The following SEZ6L variants were observed in gnomAD, a reference collection of about 807,000 sequenced individuals.
SEZ6L encodes seizure related 6 homolog like.
Under a neutral mutation model 106.2 loss-of-function variants are expected in SEZ6L, and 37 were observed. The observed-to-expected ratio is 0.35, with a 90% CI of 0.27 to 0.46. The LOEUF is 0.46. Ranked by LOEUF, SEZ6L falls within the 20% of genes least tolerant of loss-of-function variation. The probability of loss-of-function intolerance (pLI) is 1.00; values close to 1 mark genes in which losing one functional copy is unlikely to be tolerated. For missense variants in SEZ6L, 1,172 were observed against 1,332.8 expected (o/e 0.88, Z 1.88); for synonymous variants, 541 against 570.4 (o/e 0.95, Z 0.73).
At chr22:26,182,917 C>A (rs1939508327) in intron 1 of SEZ6L, among the ~76,000 whole-genome samples, 1 of 152,028 alleles carries the variant, frequency 6.6e-6, no homozygotes, top group Non-Finnish European at 1.5e-5. Flanking sequence ...CTGCCGGGAG[C>A]CTTTCCATCT....
At chr22:26,175,330 G>T (rs1045776960) in intron 1 of SEZ6L, among the ~76,000 whole-genome samples, 1 of 152,134 alleles carries the variant, frequency 6.6e-6, no homozygotes, top group Non-Finnish European at 1.5e-5. Flanking sequence ...AGGCACTTAC[G>T]TTGGTTATTT....
chr22:26,351,019 G>A (rs2083259677), intron 11 of SEZ6L, 33 bp from the exon 12 acceptor site: 1 of 1,576,744 alleles, frequency 6.3e-7, no homozygotes, highest in Non-Finnish European at 8.7e-7. Flanking sequence ...CCAGAGGTCT[G>A]ACGTCCTCTT....
At chr22:26,353,361 A>G (rs980652112) in intron 12 of SEZ6L, among the ~76,000 whole-genome samples, 5 of 152,254 alleles carry the variant, frequency 3.3e-5, no homozygotes, top group African/African-American at 1.2e-4. Flanking sequence ...ACATATGTGC[A>G]TATATATGCA....
intron 13 of SEZ6L, among the ~76,000 whole-genome samples, chr22:26,372,540 G>A (rs2084073888): frequency 6.6e-6 from 1 of 152,188 alleles, no homozygotes; most frequent in Admixed American, 6.5e-5. Context: ...GCATGGATTA[G>A]GGTGTCTTGG....
intron 1 of SEZ6L, among the ~76,000 whole-genome samples, chr22:26,184,518 A>G (rs1283058395): frequency 1.3e-5 from 2 of 152,216 alleles, no homozygotes; most frequent in East Asian, 3.9e-4. Context: ...CCAAGAAGCA[A>G]ATATTTAATA....
chr22:26,227,573 C>A (rs1181926827), intron 1 of SEZ6L, among the ~76,000 whole-genome samples: 1 of 139,790 alleles, frequency 7.2e-6, no homozygotes, highest in Non-Finnish European at 1.5e-5. Flanking sequence ...TCATGCCCAG[C>A]TAATTTTTAA....
intron 1 of SEZ6L, among the ~76,000 whole-genome samples, chr22:26,238,275 T>C (rs2079010463): frequency 6.6e-6 from 1 of 152,220 alleles, no homozygotes; most frequent in Non-Finnish European, 1.5e-5. Flanking sequence ...GCTGGTATTT[T>C]GTACGGACCC....
chr22:26,188,336 G>A (rs1447466681), intron 1 of SEZ6L, among the ~76,000 whole-genome samples: 3 of 152,142 alleles, frequency 2.0e-5, no homozygotes. Context: ...GTGCAGCTTG[G>A]AGATTCTTCT....
chr22:26,309,251 C>T (rs992905712), intron 6 of SEZ6L, among the ~76,000 whole-genome samples: 19 of 152,212 alleles, frequency 1.2e-4, no homozygotes, highest in Non-Finnish European at 2.1e-4. Context: ...AAGAAGTCAA[C>T]TTCAAATAGC....
chr22:26,204,561 G>A (rs1941181838), intron 1 of SEZ6L, among the ~76,000 whole-genome samples: 1 of 152,190 alleles, frequency 6.6e-6, no homozygotes. Context: ...TTAAATCCAG[G>A]CATTCTGATG....
At chr22:26,333,159 T>C (rs748224670) in intron 9 of SEZ6L, among the ~76,000 whole-genome samples, 33 of 152,208 alleles carry the variant, frequency 2.2e-4, no homozygotes, top group Admixed American at 2.0e-4. Context: ...CACAAATGGC[T>C]GCTCAGGCCC....
chr22:26,350,530 C>A (rs2083240594), intron 11 of SEZ6L, among the ~76,000 whole-genome samples: 1 of 152,028 alleles, frequency 6.6e-6, no homozygotes, highest in African/African-American at 2.4e-5. Flanking sequence ...CCGTGCCCCA[C>A]CTCTTTGGGC....
intron 1 of SEZ6L, among the ~76,000 whole-genome samples, chr22:26,228,522 G>A (rs558299008): frequency 4.9e-4 from 75 of 152,316 alleles, no homozygotes; most frequent in Admixed American, 2.9e-3. Flanking sequence ...CAGTGGAGAA[G>A]AGGACAAAAC....
intron 13 of SEZ6L, among the ~76,000 whole-genome samples, chr22:26,372,720 G>C (rs1361446691): frequency 2.0e-5 from 3 of 152,174 alleles, no homozygotes; most frequent in African/African-American, 4.8e-5. Flanking sequence ...TGATGACAAA[G>C]ATGGGGTGCC....
intron 5 of SEZ6L, among the ~76,000 whole-genome samples, chr22:26,304,162 G>A (rs1407410343): frequency 6.6e-6 from 1 of 151,908 alleles, no homozygotes; most frequent in Non-Finnish European, 1.5e-5. Flanking sequence ...GACCAGCCTG[G>A]CCAAGATGGT....
At position 26,220,035 on chromosome 22, in the gene SEZ6L, A is replaced by G. The variant is rs1195231272; in HGVS notation, c.94+50272A>G. Among the ~76,000 whole-genome samples the G allele has an allele frequency of 2.6e-5, 4 of 152,324 alleles. No individual in the cohort carries two copies. In the East Asian group the frequency reaches 7.7e-4, roughly 29 times the overall value. ...AAGAGGCTTCTGGGGTGGGGATGCC[A>G]GTGAGCTTTGATGGGTGAAGTAAGC... is the stretch of plus-strand genomic sequence containing the variant. On this transcript the variant is annotated intron_variant, in intron 1 of 16. Transcript: ENST00000248933.
chr22:26,373,444 C>T lies in SEZ6L; in HGVS notation c.2795-7C>T, dbSNP rs748075563. 11 of 1,598,976 alleles carry T rather than the reference C, an allele frequency of 6.9e-6. No individual in the cohort carries two copies. The African/African-American group carries it at 1.1e-4, about 16-fold the overall frequency. On this transcript the variant is annotated splice_polypyrimidine_tract_variant and splice_region_variant and intron_variant, in intron 13 of 16. Transcript: ENST00000248933. ...CATTGACCAATGCTTCCTGATTTCTCTTTCAGTTAATCAAGACAGTTTTGA... is the reference window on the plus strand; with the variant it reads ...CATTGACCAATGCTTCCTGATTTCTTTTTCAGTTAATCAAGACAGTTTTGA...
At chr22:26,223,328 A>ATAT (rs1168671840) in intron 1 of SEZ6L, among the ~76,000 whole-genome samples, 1 of 152,218 alleles carries the variant, frequency 6.6e-6, no homozygotes, top group Non-Finnish European at 1.5e-5. Flanking sequence ...AGAATTAATG[A>ATAT]TATTTCAAGT....
intron 1 of SEZ6L, among the ~76,000 whole-genome samples, chr22:26,273,492 G>A (rs1025112564): frequency 2.0e-5 from 3 of 152,378 alleles, no homozygotes; most frequent in Admixed American, 2.0e-4. Flanking sequence ...ACACACATCC[G>A]AGGCATTGTT....
Sources: allele counts gnomAD v4.1 joint callset (sites outside exome capture counted in the v4.1 genomes callset), GRCh38; gene constraint gnomAD v4.1.1; transcripts MANE v1.5; gene names NCBI Gene and HGNC (gene_info 2026-07-23, HGNC 2026-07-21).